Variants in PCOLCE2 observed in about 807,000 individuals in gnomAD.
PCOLCE2 encodes the protein procollagen C-proteinase enhancer 2.
Under a neutral mutation model 47.0 loss-of-function variants are expected in PCOLCE2, and 42 were observed. The observed-to-expected ratio is 0.89, with a 90% CI of 0.70 to 1.16. PCOLCE2 has a LOEUF of 1.16. Among genes scored for constraint, PCOLCE2 ranks in the 50% most tolerant of loss-of-function variants. PCOLCE2 has a pLI of 0.00. For missense variants in PCOLCE2, 500 were observed against 526.1 expected (o/e 0.95, Z 0.49); for synonymous variants, 169 against 191.7 (o/e 0.88, Z 0.98).
intron 3 of PCOLCE2, among the ~76,000 whole-genome samples, chr3:142,845,950 G>T (rs1391874002): frequency 6.6e-6 from 1 of 152,100 alleles, no homozygotes. Flanking sequence ...ACTCCAGCCT[G>T]GTCAACAAGA....
intron 2 of PCOLCE2, among the ~76,000 whole-genome samples, chr3:142,886,850 A>G (rs1460898986): frequency 6.6e-6 from 1 of 152,236 alleles, no homozygotes; most frequent in African/African-American, 2.4e-5. Flanking sequence ...AGTAACTGCT[A>G]GTTTACACAT....
intron 2 of PCOLCE2, among the ~76,000 whole-genome samples, chr3:142,867,277 T>C (rs1236786428): frequency 3.3e-5 from 5 of 152,164 alleles, no homozygotes; most frequent in Non-Finnish European, 7.4e-5. Flanking sequence ...TGTTGCTAAT[T>C]TTCTTGGTGC....
intron 6 of PCOLCE2, among the ~76,000 whole-genome samples, chr3:142,824,671 G>A (rs562529936): frequency 1.3e-5 from 2 of 152,146 alleles, no homozygotes; most frequent in African/African-American, 4.8e-5. Context: ...GGAGTCTCTC[G>A]CTCTGTCGCC....
At chr3:142,848,962 G>T (rs1353708291) in intron 2 of PCOLCE2, among the ~76,000 whole-genome samples, 1 of 152,074 alleles carries the variant, frequency 6.6e-6, no homozygotes, top group Non-Finnish European at 1.5e-5. Flanking sequence ...GACCATCCTG[G>T]CTAACACAGT....
At chr3:142,887,468 C>T in intron 2 of PCOLCE2, 1 of 496,404 alleles carries the variant, frequency 2.0e-6, no homozygotes, top group Non-Finnish European at 3.6e-6. Flanking sequence ...TTATCTTGTG[C>T]CCTTTGTAAT....
chr3:142,821,673 A>C (rs1211271601), intron 7 of PCOLCE2, among the ~76,000 whole-genome samples: 3 of 151,100 alleles, frequency 2.0e-5, no homozygotes, highest in Admixed American at 2.0e-4. Context: ...TGAAGTATAG[A>C]ACTGAGGTAT....
At chr3:142,822,470 T>C (rs889757393) in intron 7 of PCOLCE2, among the ~76,000 whole-genome samples, 3 of 152,160 alleles carry the variant, frequency 2.0e-5, no homozygotes, top group Non-Finnish European at 4.4e-5. Flanking sequence ...ACTCACTGCT[T>C]AGGCAGTGTG....
At chr3:142,863,095 GCAAAA>G (rs1933211857) in intron 2 of PCOLCE2, among the ~76,000 whole-genome samples, 1 of 48,818 alleles carries the variant, frequency 2.0e-5, no homozygotes, top group Non-Finnish European at 3.6e-5. Context: ...AGTCTGGCAG[GCAAAA>G]AAAAAAAAAA....
chr3:142,861,894 A>G (rs1178546383), intron 2 of PCOLCE2, among the ~76,000 whole-genome samples: 1 of 152,092 alleles, frequency 6.6e-6, no homozygotes, highest in African/African-American at 2.4e-5. Context: ...AGGGCTGTTC[A>G]TTTTCTCTAA....
intron 2 of PCOLCE2, among the ~76,000 whole-genome samples, chr3:142,878,670 C>CA (rs1391796368): frequency 6.6e-6 from 1 of 152,128 alleles, no homozygotes; most frequent in Non-Finnish European, 1.5e-5. Context: ...GATCAGTCAA[C>CA]ATGACAAAAC....
In PCOLCE2 at chr3:142,852,112, T is replaced by C. The variant is rs148703584; in HGVS notation, c.193-3640A>G. Reference sequence around the variant, plus strand: ...AGGATGCAGAGGTGATCTGTACCAGTGTAAGTCTCCTATAACCAGAGACAA... The same window carrying C: ...AGGATGCAGAGGTGATCTGTACCAGCGTAAGTCTCCTATAACCAGAGACAA... On this transcript the variant is annotated intron_variant, in intron 2 of 8. Coordinates refer to ENST00000295992, the MANE Select transcript of PCOLCE2 (RefSeq NM_013363.4). 6.9e-3 allele frequency among the ~76,000 whole-genome samples: 1,047 copies of C among 152,330 alleles called. 11 individuals are homozygous for C. The highest frequency in any genetic ancestry group is 0.023 in the African/African-American group (976 of 41,570).
At chr3:142,873,159 G>A (rs1332553809) in intron 2 of PCOLCE2, among the ~76,000 whole-genome samples, 3 of 152,126 alleles carry the variant, frequency 2.0e-5, no homozygotes, top group Non-Finnish European at 4.4e-5. Flanking sequence ...TTGGGAGGCT[G>A]AGGCAGCGGG....
intron 8 of PCOLCE2, among the ~76,000 whole-genome samples, chr3:142,819,059 G>T (rs1936984284): frequency 6.6e-6 from 1 of 152,200 alleles, no homozygotes; most frequent in African/African-American, 2.4e-5. Flanking sequence ...TGTTGCTGTT[G>T]TCTTGAACTT....
chr3:142,848,065 G>C, intron 3 of PCOLCE2, 152 bp downstream of exon 3: 1 of 691,440 alleles, frequency 1.4e-6, no homozygotes, highest in Non-Finnish European at 2.4e-6. Context: ...AAATTAAAAG[G>C]CTGATTTTTT....
At chr3:142,853,563 C>T (rs796869413) in intron 2 of PCOLCE2, among the ~76,000 whole-genome samples, 5 of 152,290 alleles carry the variant, frequency 3.3e-5, no homozygotes, top group African/African-American at 1.2e-4. Flanking sequence ...AATGAATCAC[C>T]GGCCTCCTTG....
In PCOLCE2 at chr3:142,860,425, T is replaced by TTTGTTG. The variant is rs140866650; in HGVS notation, c.193-11959_193-11954dup. ...TTTTCCTAAAGCTAATAATTGCCTT[T>TTTGTTG]TTGTTGTTGTTGTTGTTGTTGTTGT... On this transcript the variant is annotated intron_variant, in intron 2 of 8. Coordinates refer to ENST00000295992, the MANE Select transcript of PCOLCE2 (RefSeq NM_013363.4). Among the ~76,000 whole-genome samples, 8 of 151,562 alleles carry TTTGTTG rather than the reference T, an allele frequency of 5.3e-5. No individual in the cohort carries two copies. The East Asian group carries it at 9.6e-4, about 18-fold the overall frequency.
At chr3:142,827,141 A>T in intron 6 of PCOLCE2, 1 of 1,445,912 alleles carries the variant, frequency 6.9e-7, no homozygotes, top group Non-Finnish European at 9.7e-7. Flanking sequence ...AGAGACGTCC[A>T]GTCTGGCGGG....
At chr3:142,820,558 A>G (rs1353017120) in intron 8 of PCOLCE2, among the ~76,000 whole-genome samples, 1 of 152,082 alleles carries the variant, frequency 6.6e-6, no homozygotes, top group Non-Finnish European at 1.5e-5. Context: ...TGGCTGCTGG[A>G]TATTTTTCTT....
chr3:142,860,211 G>A (rs1194801451), intron 2 of PCOLCE2, among the ~76,000 whole-genome samples: 5 of 152,072 alleles, frequency 3.3e-5, no homozygotes, highest in Admixed American at 3.3e-4. Flanking sequence ...TTATTTCCTT[G>A]TTGCTTAATA....
Sources: allele counts gnomAD v4.1 joint callset (sites outside exome capture counted in the v4.1 genomes callset), GRCh38; gene constraint gnomAD v4.1.1; transcripts MANE v1.5; gene names NCBI Gene and HGNC (gene_info 2026-07-23, HGNC 2026-07-21).